PPP2R5B: variants seen among roughly 807,000 people sequenced by gnomAD.
PPP2R5B encodes protein phosphatase 2 regulatory subunit B'beta, also known as serine/threonine-protein phosphatase 2A 56 kDa regulatory subunit beta isoform.
Under a neutral mutation model 59.9 loss-of-function variants are expected in PPP2R5B, and 19 were observed. That is an observed-to-expected ratio of 0.32 (90% CI 0.22 to 0.47). PPP2R5B has a LOEUF of 0.47. Among genes scored for constraint, PPP2R5B ranks in the 20% least tolerant of loss-of-function variants. The pLI is 1.00. For synonymous variants in PPP2R5B, 286 were observed against 260.5 expected (o/e 1.10, Z -0.94); for missense variants, 441 against 640.2 (o/e 0.69, Z 3.36).
intron 5 of PPP2R5B, 65 bp from the exon 6 acceptor site, chr11:64,928,230 T>C: frequency 1.2e-6 from 2 of 1,613,104 alleles, no homozygotes; most frequent in Non-Finnish European, 1.7e-6. Flanking sequence ...AGGGATAGGA[T>C]GGAAGCAACC....
Position 64,934,421 on chromosome 11 carries a change from T to G in PPP2R5B, c.*577T>G. 1 of 377,000 alleles carries G rather than the reference T, an allele frequency of 2.7e-6. No homozygotes were observed. The highest frequency in any genetic ancestry group is 5.0e-6 in the Non-Finnish European group (1 of 201,228). 23.4% of individuals were successfully genotyped at this position (377,000 alleles called of 1,614,324 possible). On this transcript the variant is annotated 3_prime_UTR_variant, in exon 14 of 14. Transcript: ENST00000164133. ...GGTAAGGGGGGGTTCACAGTAATCA[T>G]GGTCTACTCCTCTTTCCGTGGCTGG... is the stretch of plus-strand genomic sequence containing the variant.
rs1456151479 is a variant in PPP2R5B, at chr11:64,934,241, G to GGTCT, written c.*398_*401dup. 4.5e-6 allele frequency: 1 copy of GGTCT among 222,360 alleles called. No individual in the cohort carries two copies. The highest frequency in any genetic ancestry group is 8.8e-6 in the Non-Finnish European group (1 of 113,268). The allele number at this position is 222,360 out of a possible 1,614,324, so 13.8% of individuals were successfully genotyped here. A position where few individuals can be genotyped will look rare whatever the true frequency, so the allele number is the denominator to read the frequency against. On this transcript the variant is annotated 3_prime_UTR_variant, in exon 14 of 14. Transcript: ENST00000164133. ...TCCTTATCCCCACCATGGGGTCCAT[G>GGTCT]GTCTATTTATTCTCGCCCAGCTCAC...
chr11:64,934,384 A>T lies in PPP2R5B; in HGVS notation c.*540A>T. 1 of 310,130 alleles carries T rather than the reference A, an allele frequency of 3.2e-6. No individual in the cohort carries two copies. Among genetic ancestry groups the T allele is most frequent in the Non-Finnish European group, 6.1e-6 (1 of 164,110 alleles). 19.2% of individuals were successfully genotyped at this position (310,130 alleles called of 1,614,324 possible). On this transcript the variant is annotated 3_prime_UTR_variant, in exon 14 of 14. Transcript: ENST00000164133. ...GGAGGGCACAGGCAAGAAGAGATTC[A>T]CAGTGTCCTGGGGTAAGGGGGGGTT...
rs2136692684 is a variant in PPP2R5B, at chr11:64,933,830, G to C, written c.1480G>C (p.Gly494Arg). 6.5e-7 allele frequency: 1 copy of C among 1,547,312 alleles called. No homozygotes were observed. The highest frequency in any genetic ancestry group is 8.7e-7 in the Non-Finnish European group (1 of 1,145,902). The change falls in exon 14 of 14, where the codon GGG (glycine) becomes CGG (arginine). Residue 494 changes from glycine (G) to arginine (R), a missense_variant. Around this residue, in one of 3 missense-constraint regions of PPP2R5B, gnomAD observed 70 missense variants for 64.2 expected, o/e 1.09. Transcript: ENST00000164133. ...QRLTPQVAAS[G>R]GQS Reference sequence around the variant, plus strand: ...GCTTACACCCCAGGTGGCCGCCAGTGGGGGTCAGAGCTAGACAGCACCTCA... The same window carrying C: ...GCTTACACCCCAGGTGGCCGCCAGTCGGGGTCAGAGCTAGACAGCACCTCA...
chr11:64,929,527 A>T (rs1471671036), intron 6 of PPP2R5B, among the ~76,000 whole-genome samples: 2 of 152,184 alleles, frequency 1.3e-5, no homozygotes, highest in African/African-American at 4.8e-5. Flanking sequence ...GGAGTTCAAG[A>T]TCAGCCTGGC....
At position 64,931,877 on chromosome 11, in the gene PPP2R5B, C is replaced by T; in HGVS notation, c.1116+9C>T. ...CCAGCCCCCATTTCCAGGTATGAGG[C>T]AGGACAGGCGGGGATGGGAGCAGGG... On this transcript the variant is annotated intron_variant, in intron 11 of 13. Transcript: ENST00000164133. The surrounding 1 kb of genome is among the most constrained non-coding windows in gnomAD (Gnocchi z 5.0). The T allele has an allele frequency of 6.2e-7, 1 of 1,613,522 alleles. No individual in the cohort carries two copies. The highest frequency in any genetic ancestry group is 8.5e-7 in the Non-Finnish European group (1 of 1,179,786).
rs1367817099 is a variant in PPP2R5B at position 64,934,212 on chromosome 11, T to C, written c.*368T>C. On this transcript the variant is annotated 3_prime_UTR_variant, in exon 14 of 14. Coordinates refer to ENST00000164133, the MANE Select transcript of PPP2R5B (RefSeq NM_006244.4). Reference sequence around the variant, plus strand: ...TGCCCCTGCCTTGGCCAATGCGAGGTCCTTCCTTATCCCCACCATGGGGTC... The same window carrying C: ...TGCCCCTGCCTTGGCCAATGCGAGGCCCTTCCTTATCCCCACCATGGGGTC... 5 of 242,038 alleles carry C rather than the reference T, an allele frequency of 2.1e-5. No individual in the cohort carries two copies. The highest frequency in any genetic ancestry group is 4.0e-5 in the Non-Finnish European group (5 of 126,290). The allele number at this position is 242,038 out of a possible 1,614,324, so 15.0% of individuals were successfully genotyped here. A position where few individuals can be genotyped will look rare whatever the true frequency, so the allele number is the denominator to read the frequency against.
At chr11:64,923,291 G>A (rs1235943888), upstream of PPP2R5B, among the ~76,000 whole-genome samples, 3 of 152,250 alleles carry the variant, frequency 2.0e-5, no homozygotes, top group African/African-American at 7.2e-5. Context: ...CACTGGGCAA[G>A]GCGCTTCTCC....
chr11:64,931,313 G>A lies in PPP2R5B; in HGVS notation c.892-123G>A. Reference sequence around the variant, plus strand: ...ATCCTAGGCAGGTGATAAATGCTTGGTGAATAAGAAAGTAACAGGCCGTGG... The same window carrying A: ...ATCCTAGGCAGGTGATAAATGCTTGATGAATAAGAAAGTAACAGGCCGTGG... On this transcript the variant is annotated intron_variant, in intron 8 of 13. Coordinates refer to ENST00000164133, the MANE Select transcript of PPP2R5B (RefSeq NM_006244.4). This position sits in a 1 kb window ranked among gnomAD's most constrained non-coding sequence, Gnocchi z 5.0. 1.9e-6 allele frequency: 2 copies of A among 1,058,826 alleles called. No homozygotes were observed. The highest frequency in any genetic ancestry group is 2.8e-6 in the Non-Finnish European group (2 of 706,056). 65.6% of individuals were successfully genotyped at this position (1,058,826 alleles called of 1,614,324 possible). A position where few individuals can be genotyped will look rare whatever the true frequency, so the allele number is the denominator to read the frequency against.
chr11:64,925,911 C>T lies in PPP2R5B; in HGVS notation c.177C>T (p.Leu59=). Residue 59 remains leucine, a synonymous_variant, in exon 2 of 14, where the codon CTC becomes CTT. Transcript: ENST00000164133. The surrounding 1 kb of genome is among the most constrained non-coding windows in gnomAD (Gnocchi z 4.6). The part of the protein sequence containing the change: ...QFRYQSNQQE[L]TPLPLLKDVP... ...GCTATCAGAGCAACCAGCAAGAGCT[C>T]ACACCGCTGCCCCTGCTCAAAGGTG... 2 of 1,611,894 alleles carry T rather than the reference C, an allele frequency of 1.2e-6. No individual in the cohort carries two copies. Among genetic ancestry groups the T allele is most frequent in the Non-Finnish European group, 1.7e-6 (2 of 1,179,858 alleles).
At position 64,934,403 on chromosome 11, in the gene PPP2R5B, G is replaced by C. The variant is rs111561429; in HGVS notation, c.*559G>C. On this transcript the variant is annotated 3_prime_UTR_variant, in exon 14 of 14. Coordinates refer to ENST00000164133, the MANE Select transcript of PPP2R5B (RefSeq NM_006244.4). Reference sequence around the variant, plus strand: ...AGATTCACAGTGTCCTGGGGTAAGGGGGGGTTCACAGTAATCATGGTCTAC... The same window carrying C: ...AGATTCACAGTGTCCTGGGGTAAGGCGGGGTTCACAGTAATCATGGTCTAC... 414 of 358,676 alleles carry C rather than the reference G, an allele frequency of 1.2e-3. 2 individuals are homozygous for C. The highest frequency in any genetic ancestry group is 5.4e-3 in the African/African-American group (258 of 47,876). 22.2% of individuals were successfully genotyped at this position (358,676 alleles called of 1,614,324 possible).
upstream of PPP2R5B, among the ~76,000 whole-genome samples, chr11:64,923,864 C>T (rs998089696): frequency 3.3e-5 from 5 of 152,066 alleles, no homozygotes; most frequent in Admixed American, 6.6e-5. Flanking sequence ...GATCCTAGGA[C>T]GGGGGCCCAG....
intron 3 of PPP2R5B, among the ~76,000 whole-genome samples, chr11:64,927,174 C>T (rs1351049804): frequency 1.3e-5 from 2 of 152,190 alleles, no homozygotes; most frequent in Non-Finnish European, 2.9e-5. Context: ...GCTCAGGTGC[C>T]GCCTCTGCCA....
intron 6 of PPP2R5B, 36 bp downstream of exon 6, chr11:64,928,461 G>A (rs1288743865): frequency 1.9e-6 from 3 of 1,613,424 alleles, no homozygotes; most frequent in Non-Finnish European, 2.5e-6. Flanking sequence ...GAGACCTGGG[G>A]AGGGTGAGAG....
rs1391827881 is a variant in PPP2R5B at position 64,933,952 on chromosome 11, G to A, written c.*108G>A. On this transcript the variant is annotated 3_prime_UTR_variant, in exon 14 of 14. Coordinates refer to ENST00000164133, the MANE Select transcript of PPP2R5B (RefSeq NM_006244.4). Reference sequence around the variant, plus strand: ...CACACCTACCCCTGGCCTTGCCAGAGTGGCTTCTGAGGACTCCCTGCCCAG... The same window carrying A: ...CACACCTACCCCTGGCCTTGCCAGAATGGCTTCTGAGGACTCCCTGCCCAG... The A allele has an allele frequency of 7.4e-7, 1 of 1,342,282 alleles. No homozygotes were observed. The highest frequency in any genetic ancestry group is 3.2e-5 in the Admixed American group (1 of 31,374). 83.1% of individuals were successfully genotyped at this position (1,342,282 alleles called of 1,614,324 possible).
rs779217828 is a variant in PPP2R5B at position 64,925,794 on chromosome 11, G to A, written c.60G>A (p.Ser20=). The change falls in exon 2 of 14, where the codon TCG becomes TCA. Residue 20 remains serine (S), a synonymous_variant. Coordinates refer to ENST00000164133, the MANE Select transcript of PPP2R5B (RefSeq NM_006244.4). The surrounding 1 kb of genome is among the most constrained non-coding windows in gnomAD (Gnocchi z 4.6). ...TPTSPSSPGL[S]PVPPPDKVDG... ...CTAGCCCCTCCTCCCCCGGGCTGTCGCCTGTGCCCCCACCCGACAAGGTGG... is the reference window on the plus strand; with the variant it reads ...CTAGCCCCTCCTCCCCCGGGCTGTCACCTGTGCCCCCACCCGACAAGGTGG... 8.2e-6 allele frequency: 13 copies of A among 1,581,524 alleles called. No individual in the cohort carries two copies. Among genetic ancestry groups the A allele is most frequent in the Middle Eastern group, 2.1e-4 (1 of 4,802 alleles).
upstream of PPP2R5B, among the ~76,000 whole-genome samples, chr11:64,924,010 G>T (rs971988298): frequency 2.0e-5 from 3 of 152,296 alleles, no homozygotes; most frequent in South Asian, 6.2e-4. Context: ...GGGCTGAAAG[G>T]TCCATCCGGG....
At chr11:64,920,557 G>A (rs187388421), upstream of PPP2R5B, among the ~76,000 whole-genome samples, 1 of 152,238 alleles carries the variant, frequency 6.6e-6, no homozygotes, top group East Asian at 1.9e-4. Context: ...TATTCTCTTG[G>A]GAGGAAATGG....
rs56053333 is a variant in PPP2R5B at position 64,925,614 on chromosome 11, G to GCCCC, written c.-114_-111dup. 568 of 450,790 alleles carry GCCCC rather than the reference G, an allele frequency of 1.3e-3. 4 individuals are homozygous for GCCCC. The highest frequency in any genetic ancestry group is 4.6e-3 in the South Asian group (193 of 42,398). 27.9% of individuals were successfully genotyped at this position (450,790 alleles called of 1,614,324 possible). On this transcript the variant is annotated 5_prime_UTR_variant, in exon 2 of 14. Transcript: ENST00000164133. This position sits in a 1 kb window ranked among gnomAD's most constrained non-coding sequence, Gnocchi z 4.6. ...GGGGGGGGCCCAGGACTGTGGTTGT[G>GCCCC]CCCCCCCCCCAAAGGCCGGACAGGA... is the stretch of plus-strand genomic sequence containing the variant.
Sources: allele counts gnomAD v4.1 joint callset (sites outside exome capture counted in the v4.1 genomes callset), GRCh38; gene constraint gnomAD v4.1.1; regional missense constraint gnomAD v4.1.1; non-coding constraint Gnocchi (gnomAD v3.1); transcripts MANE v1.5; gene names NCBI Gene and HGNC (gene_info 2026-07-23, HGNC 2026-07-21).